AHDC1: variants seen among roughly 807,000 people sequenced by gnomAD.
AHDC1 encodes the protein AT-hook DNA binding motif containing 1, also known as transcription factor Gibbin.
In AHDC1, 7 loss-of-function variants were observed where a neutral mutation model predicts 87.9. The ratio of observed to expected loss-of-function variants is 0.08; its 90% CI spans 0.05 to 0.15. AHDC1 has a LOEUF of 0.15. Among genes scored for constraint, AHDC1 ranks in the 10% least tolerant of loss-of-function variants. The probability of loss-of-function intolerance (pLI) is 1.00; values close to 1 mark genes in which losing one functional copy is unlikely to be tolerated. For missense variants in AHDC1, 1,841 were observed against 2,253.2 expected (o/e 0.82, Z 3.70); for synonymous variants, 1,051 against 1,006.8 (o/e 1.04, Z -0.83).
chr1:27,550,393 C>T lies in AHDC1; in HGVS notation c.1723G>A (p.Ala575Thr), dbSNP rs1364884312. 2 of 1,612,896 alleles carry T rather than the reference C, an allele frequency of 1.2e-6. No individual in the cohort carries two copies. The highest frequency in any genetic ancestry group is 2.2e-5 in the South Asian group (2 of 91,064). The change falls in exon 8 of 9, where the codon GCA (alanine) becomes ACA (threonine). Residue 575 changes from alanine (A) to threonine (T), a missense_variant. Ala to Thr is a moderately conservative substitution (Grantham distance 58). Coordinates refer to ENST00000673934, the MANE Select transcript of AHDC1 (RefSeq NM_001371928.1). ...TCTGGCATGGCCATGGTGGCCGCTG[C>T]CACAGTGGCTGCCTCGGCCGCCACC... is the stretch of plus-strand genomic sequence containing the variant. ...AVVAAEAATV[A>T]AATMAMPEVK...
At chr1:27,542,148 C>A (rs2018953412) in intron 8 of AHDC1, among the ~76,000 whole-genome samples, 1 of 152,220 alleles carries the variant, frequency 6.6e-6, no homozygotes, top group Non-Finnish European at 1.5e-5. Flanking sequence ...AAAGATGGCA[C>A]AACTGCCAGG....
At position 27,549,303 on chromosome 1, in the gene AHDC1, C is replaced by A. The variant is rs1411442211; in HGVS notation, c.2813G>T (p.Cys938Phe). The A allele has an allele frequency of 6.2e-7, 1 of 1,605,630 alleles. No homozygotes were observed. Among genetic ancestry groups the A allele is most frequent in the African/African-American group, 1.3e-5 (1 of 74,788 alleles). The change falls in exon 8 of 9, where the codon TGC becomes TTC. Residue 938 changes from cysteine (C) to phenylalanine (F), a missense_variant. By Grantham distance (205) the Cys-to-Phe change is radical. Transcript: ENST00000673934. ...SYGLTPAASDCRAAETFPKLV... is the reference protein window; with the variant it reads ...SYGLTPAASDFRAAETFPKLV... The stretch of plus-strand genomic sequence containing the variant: ...CTTGGGGAAGGTCTCGGCTGCCCGG[C>A]AGTCTGAAGCGGCTGGAGTTAGCCC...
At chr1:27,536,339 C>A (rs756784674) in intron 8 of AHDC1, among the ~76,000 whole-genome samples, 1 of 152,194 alleles carries the variant, frequency 6.6e-6, no homozygotes, top group African/African-American at 2.4e-5. Context: ...TCCTGGTGGA[C>A]CAGACCAGGT....
chr1:27,543,697 C>T (rs1342015151), intron 8 of AHDC1, among the ~76,000 whole-genome samples: 2 of 152,176 alleles, frequency 1.3e-5, no homozygotes, highest in African/African-American at 4.8e-5. Context: ...GTAATCCCAG[C>T]ACTTTGGGAG....
At chr1:27,591,161 C>G (rs2089210156) in intron 3 of AHDC1, among the ~76,000 whole-genome samples, 1 of 152,192 alleles carries the variant, frequency 6.6e-6, no homozygotes, top group Non-Finnish European at 1.5e-5. Flanking sequence ...ACACTAGGGG[C>G]TCAGATTGAT....
intron 3 of AHDC1, among the ~76,000 whole-genome samples, chr1:27,588,140 G>C (rs1295530346): frequency 6.6e-6 from 1 of 152,154 alleles, no homozygotes; most frequent in Non-Finnish European, 1.5e-5. Flanking sequence ...GTCTGTGAAC[G>C]TCCCTCCGTT....
chr1:27,595,371 G>A lies in AHDC1; in HGVS notation c.-629+8026C>T, dbSNP rs2148486721. 6.6e-6 allele frequency among the ~76,000 whole-genome samples: 1 copy of A among 151,818 alleles called. No individual in the cohort carries two copies. The highest frequency in any genetic ancestry group is 2.1e-4 in the South Asian group (1 of 4,808). On this transcript the variant is annotated intron_variant, in intron 3 of 8. Coordinates refer to ENST00000673934, the MANE Select transcript of AHDC1 (RefSeq NM_001371928.1). The surrounding 1 kb of genome is among the most constrained non-coding windows in gnomAD (Gnocchi z 4.0). ...GAGGGTATGAGTCAGTGGGAAGGTAGCAGGGCTGTAGCTGGGTCCTGGGTG... is the reference window on the plus strand; with the variant it reads ...GAGGGTATGAGTCAGTGGGAAGGTAACAGGGCTGTAGCTGGGTCCTGGGTG...
At chr1:27,572,105 AG>A (rs945518626) in intron 3 of AHDC1, among the ~76,000 whole-genome samples, 19 of 144,676 alleles carry the variant, frequency 1.3e-4, no homozygotes, top group African/African-American at 4.9e-4. Context: ...AAAGAAATGG[AG>A]GGGGTTGCTT....
chr1:27,588,491 A>G (rs1168363914), intron 3 of AHDC1, among the ~76,000 whole-genome samples: 1 of 152,268 alleles, frequency 6.6e-6, no homozygotes, highest in African/African-American at 2.4e-5. Flanking sequence ...ACAAGGCCAC[A>G]GCAGGCAGGG....
At chr1:27,574,057 G>A (rs544111483) in intron 3 of AHDC1, among the ~76,000 whole-genome samples, 6 of 152,314 alleles carry the variant, frequency 3.9e-5, no homozygotes, top group Admixed American at 3.9e-4. Context: ...GAGGAACCCC[G>A]AGGCATCTGA....
At chr1:27,581,320 T>C (rs1273700377) in intron 3 of AHDC1, among the ~76,000 whole-genome samples, 1 of 151,162 alleles carries the variant, frequency 6.6e-6, no homozygotes, top group Non-Finnish European at 1.5e-5. Flanking sequence ...TTGCCCAGGC[T>C]CAAAACTTTA....
chr1:27,567,264 G>C (rs2020361414), intron 3 of AHDC1, among the ~76,000 whole-genome samples: 1 of 152,190 alleles, frequency 6.6e-6, no homozygotes, highest in Non-Finnish European at 1.5e-5. Context: ...CAGAGCCCAG[G>C]CCTACCGGGC....
intron 3 of AHDC1, among the ~76,000 whole-genome samples, chr1:27,596,604 C>A (rs1237794166): frequency 6.6e-6 from 1 of 152,118 alleles, no homozygotes; most frequent in Non-Finnish European, 1.5e-5. Flanking sequence ...CTCCCAGCCT[C>A]ACACCTGAAC....
rs760775358 is a variant in AHDC1, at chr1:27,548,963, G to A, written c.3153C>T (p.Pro1051=). The A allele has an allele frequency of 1.9e-6, 3 of 1,572,172 alleles. No homozygotes were observed. Among genetic ancestry groups the A allele is most frequent in the Admixed American group, 3.7e-5 (2 of 54,330 alleles). ...CCCGGCTGTCACAGCGCAGGGGCGT[G>A]GGGGCTGAACCAGAGAAGGGGGCCC... is the stretch of plus-strand genomic sequence containing the variant. The part of the protein sequence containing the change: ...SEGAPFSGSA[P]TPLRCDSRAS... Residue 1051 remains proline, a synonymous_variant, in exon 8 of 9, where the codon CCC becomes CCT. Transcript: ENST00000673934.
chr1:27,552,377 A>G, intron 7 of AHDC1, 188 bp from the exon 8 acceptor site: 2 of 421,750 alleles, frequency 4.7e-6, no homozygotes, highest in Non-Finnish European at 7.8e-6. Context: ...GTGTATAGTG[A>G]GCCCCTCATG....
In AHDC1 at chr1:27,551,919, C is replaced by T. The variant is rs769556766; in HGVS notation, c.197G>A (p.Arg66His). The T allele has an allele frequency of 5.8e-6, 9 of 1,540,832 alleles. No individual in the cohort carries two copies. The highest frequency in any genetic ancestry group is 1.2e-5 in the South Asian group (1 of 83,706). The change falls in exon 8 of 9, where the codon CGC becomes CAC. Residue 66 changes from arginine (R) to histidine (H), a missense_variant. Physicochemically the swap from Arg to His is conservative, Grantham distance 29. Transcript: ENST00000673934. The part of the protein sequence containing the change: ...AFSENPRPPP[R>H]RDPSTRRPPV... ...TGGGCGCCGGGTGCTGGGGTCCCGG[C>T]GTGGGGGTGGGCGTGGGTTCTCGGA...
Position 27,551,993 on chromosome 1 carries a change from G to A in AHDC1, c.123C>T (p.Thr41=). The change falls in exon 8 of 9, where the codon ACC becomes ACT. Residue 41 remains threonine (T), a synonymous_variant. Coordinates refer to ENST00000673934, the MANE Select transcript of AHDC1 (RefSeq NM_001371928.1). The stretch of plus-strand genomic sequence containing the variant: ...TGTCAGGTGGGCTGGCAGGGGGCCG[G>A]GTGGGAAGCAGGGGCCGGGGGGTGG... ...GPPTPRPLLP[T]RPPASPPDKA... 3 of 1,468,992 alleles carry A rather than the reference G, an allele frequency of 2.0e-6. No homozygotes were observed. The highest frequency in any genetic ancestry group is 2.7e-6 in the Non-Finnish European group (3 of 1,110,160). The allele number at this position is 1,468,992 out of a possible 1,614,324, so 91.0% of individuals were successfully genotyped here. A position where few individuals can be genotyped will look rare whatever the true frequency, so the allele number is the denominator to read the frequency against.
intron 8 of AHDC1, among the ~76,000 whole-genome samples, chr1:27,537,604 C>A (rs1035683601): frequency 6.6e-6 from 1 of 152,204 alleles, no homozygotes; most frequent in Admixed American, 6.5e-5. Context: ...ACCATAGCTA[C>A]GGTACCCTTG....
chr1:27,555,902 G>A (rs1338272869), intron 5 of AHDC1, among the ~76,000 whole-genome samples: 1 of 152,104 alleles, frequency 6.6e-6, no homozygotes, highest in African/African-American at 2.4e-5. Context: ...GCTGGCCACT[G>A]CTCTCTTTTG....
Sources: allele counts gnomAD v4.1 joint callset (sites outside exome capture counted in the v4.1 genomes callset), GRCh38; gene constraint gnomAD v4.1.1; non-coding constraint Gnocchi (gnomAD v3.1); transcripts MANE v1.5; gene names NCBI Gene and HGNC (gene_info 2026-07-23, HGNC 2026-07-21).